EFCC1: variants seen among roughly 807,000 people sequenced by gnomAD.
The protein encoded by EFCC1 is EF-hand and coiled-coil domain-containing protein 1.
A neutral mutation model predicts 52.1 loss-of-function variants in EFCC1; 50 were observed. The ratio of observed to expected loss-of-function variants is 0.96; its 90% CI spans 0.76 to 1.21. The LOEUF is 1.21. Among genes scored for constraint, EFCC1 ranks in the 50% most tolerant of loss-of-function variants. EFCC1 has a pLI of 0.00. For synonymous variants in EFCC1, 399 were observed against 396.5 expected (o/e 1.01, Z -0.08); for missense variants, 837 against 867.3 (o/e 0.97, Z 0.44).
chr3:129,030,588 G>A, intron 2 of EFCC1, 115 bp from the exon 3 acceptor site: 2 of 1,257,240 alleles, frequency 1.6e-6, no homozygotes, highest in Non-Finnish European at 1.1e-6. Context: ...ACTGTGGGAA[G>A]CTGACTCTGC....
chr3:129,001,476 C>T lies in EFCC1; in HGVS notation c.-153C>T, dbSNP rs938612511. Among the ~76,000 whole-genome samples the T allele has an allele frequency of 3.4e-4, 51 of 152,208 alleles. No homozygotes were observed. The highest frequency in any genetic ancestry group is 5.9e-4 in the Non-Finnish European group (40 of 68,032). ...GGGGTAAACCAGACGCACTGTGAGG[C>T]CAGCGCAGCTGCTGGACACGGTCCC... On this transcript the variant is annotated 5_prime_UTR_variant, in exon 1 of 8. Coordinates refer to ENST00000683648, the MANE Select transcript of EFCC1 (RefSeq NM_001377500.1).
chr3:129,007,886 T>G (rs1037505274), intron 2 of EFCC1, among the ~76,000 whole-genome samples: 7 of 152,244 alleles, frequency 4.6e-5, no homozygotes, highest in Admixed American at 2.6e-4. Context: ...TCTGTAGCAT[T>G]CAACCATACT....
At position 129,001,524 on chromosome 3, in the gene EFCC1, C is replaced by T. The variant is rs530314755; in HGVS notation, c.-105C>T. The stretch of plus-strand genomic sequence containing the variant: ...CCCCGGCGCCGCTCCAACCAGACCG[C>T]GACCGCTAAGCCCCTCCTTTCGAGA... On this transcript the variant is annotated 5_prime_UTR_variant, in exon 1 of 8. Transcript: ENST00000683648. The T allele has an allele frequency of 2.3e-6, 3 of 1,331,826 alleles. No individual in the cohort carries two copies. Among genetic ancestry groups the T allele is most frequent in the Non-Finnish European group, 1.9e-6 (2 of 1,046,284 alleles). The allele number at this position is 1,331,826 out of a possible 1,614,324, so 82.5% of individuals were successfully genotyped here.
chr3:129,008,030 A>G (rs1012636305), intron 2 of EFCC1, among the ~76,000 whole-genome samples: 2 of 152,268 alleles, frequency 1.3e-5, no homozygotes, highest in African/African-American at 2.4e-5. Context: ...TGGCAGGGCC[A>G]TGATCCTTGA....
At chr3:129,038,808 C>G (rs1342724067) in intron 6 of EFCC1, 23 bp from the exon 7 acceptor site, 4 of 1,612,402 alleles carry the variant, frequency 2.5e-6, no homozygotes, top group Non-Finnish European at 3.4e-6. Context: ...TCTAATCCAG[C>G]CTTGTTTCCA....
intron 2 of EFCC1, among the ~76,000 whole-genome samples, chr3:129,022,245 C>T (rs1168174073): frequency 1.3e-5 from 2 of 152,232 alleles, no homozygotes; most frequent in Admixed American, 6.5e-5. Context: ...CCAGCTAGCA[C>T]AGAGTCCCCA....
intron 2 of EFCC1, among the ~76,000 whole-genome samples, chr3:129,025,053 G>A (rs947688558): frequency 1.1e-4 from 16 of 152,142 alleles, no homozygotes; most frequent in Non-Finnish European, 1.6e-4. Flanking sequence ...CAGGTGGCAT[G>A]AGAGGCTGTG....
rs1249031033 is a variant in EFCC1, at chr3:129,038,869, C to G, written c.1632C>G (p.Ser544Arg). The G allele has an allele frequency of 1.2e-6, 2 of 1,613,842 alleles. No individual in the cohort carries two copies. Among genetic ancestry groups the G allele is most frequent in the Non-Finnish European group, 1.7e-6 (2 of 1,180,036 alleles). The change falls in exon 7 of 8, where the codon AGC (serine) becomes AGG (arginine). Residue 544 changes from serine to arginine, a missense_variant. Transcript: ENST00000683648. ...GAGCCCTGGGGAAGATTTTGCTGAGCACGCTGGACGCTTTCAGGGACCCCA... is the reference window on the plus strand; with the variant it reads ...GAGCCCTGGGGAAGATTTTGCTGAGGACGCTGGACGCTTTCAGGGACCCCA... ...SKRALGKILL[S>R]TLDAFRDPTH...
chr3:129,005,178 C>T lies in EFCC1; in HGVS notation c.980+1101C>T, dbSNP rs550403025. 2.6e-5 allele frequency among the ~76,000 whole-genome samples: 4 copies of T among 152,370 alleles called. No individual in the cohort carries two copies. In the South Asian group the frequency reaches 8.3e-4, roughly 32 times the overall value. ...GACAGACTGAATTCCCTGCCCTGAG[C>T]AGCCACCTGTGAGCAGGTGAGACCT... On this transcript the variant is annotated intron_variant, in intron 2 of 7. Transcript: ENST00000683648.
rs370979676 is a variant in EFCC1 at position 129,025,183 on chromosome 3, C to T, written c.981-5520C>T. On this transcript the variant is annotated intron_variant, in intron 2 of 7. Transcript: ENST00000683648. ...GAGCTGGAGATAAGAAGTAGGAAGT[C>T]ATGGGCACGCAAAGCCATGGCGTTG... Among the ~76,000 whole-genome samples the T allele has an allele frequency of 1.1e-4, 16 of 152,266 alleles. 1 individual carries two copies. The highest frequency in any genetic ancestry group is 4.6e-4 in the Admixed American group (7 of 15,300).
At chr3:129,021,069 T>C (rs1945819723) in intron 2 of EFCC1, among the ~76,000 whole-genome samples, 1 of 152,134 alleles carries the variant, frequency 6.6e-6, no homozygotes, top group African/African-American at 2.4e-5. Flanking sequence ...TTTGCCTCAG[T>C]GACTGGAAGG....
intron 2 of EFCC1, among the ~76,000 whole-genome samples, chr3:129,012,394 C>T (rs1036763019): frequency 6.6e-6 from 1 of 152,130 alleles, no homozygotes; most frequent in Non-Finnish European, 1.5e-5. Flanking sequence ...GACCCCTGTG[C>T]CTCCAGCACT....
intron 4 of EFCC1, among the ~76,000 whole-genome samples, chr3:129,033,577 T>G (rs969319930): frequency 6.6e-6 from 1 of 152,220 alleles, no homozygotes; most frequent in African/African-American, 2.4e-5. Context: ...TATTAATGTA[T>G]GGTAAAATGC....
At chr3:129,003,526 G>A (rs1199661037) in intron 1 of EFCC1, among the ~76,000 whole-genome samples, 4 of 151,784 alleles carry the variant, frequency 2.6e-5, no homozygotes, top group Non-Finnish European at 5.9e-5. Flanking sequence ...GAATACAGGC[G>A]TCGTGTCTCA....
rs1944753416 is a variant in EFCC1, at chr3:129,001,615, CG to C, written c.-13del. On this transcript the variant is annotated 5_prime_UTR_variant, in exon 1 of 8. Coordinates refer to ENST00000683648, the MANE Select transcript of EFCC1 (RefSeq NM_001377500.1). ...CGGAGGAGGGACCGGAGGAGCGAGG[CG>C]CGCGGCGCAGCGATGGAGCCGGTCA... 1 of 1,355,246 alleles carries C rather than the reference CG, an allele frequency of 7.4e-7. No individual in the cohort carries two copies. The highest frequency in any genetic ancestry group is 3.0e-5 in the East Asian group (1 of 32,942). The allele number at this position is 1,355,246 out of a possible 1,614,324, so 84.0% of individuals were successfully genotyped here. A position where few individuals can be genotyped will look rare whatever the true frequency, so the allele number is the denominator to read the frequency against.
At position 129,001,633 on chromosome 3, in the gene EFCC1, A is replaced by G. The variant is rs1391044561; in HGVS notation, c.5A>G (p.Glu2Gly). M[E>G]PVSTGAEAGM... is the part of the protein sequence containing the mutation. ...AGCGAGGCGCGCGGCGCAGCGATGG[A>G]GCCGGTCAGCACGGGCGCGGAGGCC... is the stretch of plus-strand genomic sequence containing the variant. The change falls in exon 1 of 8, where the codon GAG (glutamate) becomes GGG (glycine). Residue 2 changes from glutamate (E) to glycine (G), a missense_variant. By Grantham distance (98) the Glu-to-Gly change is moderately conservative. Coordinates refer to ENST00000683648, the MANE Select transcript of EFCC1 (RefSeq NM_001377500.1). The G allele has an allele frequency of 2.9e-6, 4 of 1,363,608 alleles. No individual in the cohort carries two copies. The highest frequency in any genetic ancestry group is 3.8e-6 in the Non-Finnish European group (4 of 1,063,332). The allele number at this position is 1,363,608 out of a possible 1,614,324, so 84.5% of individuals were successfully genotyped here. A position where few individuals can be genotyped will look rare whatever the true frequency, so the allele number is the denominator to read the frequency against.
At chr3:129,008,620 C>T (rs2107869940) in intron 2 of EFCC1, among the ~76,000 whole-genome samples, 1 of 151,506 alleles carries the variant, frequency 6.6e-6, no homozygotes, top group East Asian at 1.9e-4. Context: ...ATCCTTGGGA[C>T]ACAGAAATGG....
At position 129,038,830 on chromosome 3, in the gene EFCC1, G is replaced by T. The variant is rs2107943209; in HGVS notation, c.1594-1G>T. The stretch of plus-strand genomic sequence containing the variant: ...CAGCCTTGTTTCCATTTCTTTTTAA[G>T]AACATATCGAAAAGAGCCCTGGGGA... On this transcript the variant is annotated splice_acceptor_variant, in intron 6 of 7. Coordinates refer to ENST00000683648, the MANE Select transcript of EFCC1 (RefSeq NM_001377500.1). LOFTEE classifies it high-confidence loss of function. 6.2e-7 allele frequency: 1 copy of T among 1,613,766 alleles called. No homozygotes were observed. Among genetic ancestry groups the T allele is most frequent in the Middle Eastern group, 1.7e-4 (1 of 5,794 alleles).
At chr3:129,009,666 A>G (rs1044323171) in intron 2 of EFCC1, among the ~76,000 whole-genome samples, 41 of 152,352 alleles carry the variant, frequency 2.7e-4, no homozygotes, top group African/African-American at 9.4e-4. Context: ...TACCCCAGAC[A>G]CATTCAAGGA....
Sources: allele counts gnomAD v4.1 joint callset (sites outside exome capture counted in the v4.1 genomes callset), GRCh38; gene constraint gnomAD v4.1.1; transcripts MANE v1.5; gene names NCBI Gene and HGNC (gene_info 2026-07-23, HGNC 2026-07-21).